Variants in NEMF observed in about 807,000 individuals in gnomAD.
NEMF encodes ribosome quality control complex subunit NEMF.
In NEMF, 89 loss-of-function variants were observed where a neutral mutation model predicts 162.2. The ratio of observed to expected loss-of-function variants is 0.55; its 90% CI spans 0.46 to 0.65. NEMF has a LOEUF of 0.65. Ranked by LOEUF, NEMF falls within the 30% of genes least tolerant of loss-of-function variation. The pLI, the probability that NEMF is intolerant of heterozygous loss-of-function variation, is 0.00. For synonymous variants in NEMF, 421 were observed against 404.5 expected (o/e 1.04, Z -0.49); for missense variants, 1,133 against 1,261.9 (o/e 0.90, Z 1.55).
intron 11 of NEMF, among the ~76,000 whole-genome samples, chr14:49,830,122 A>C (rs1357914699): frequency 6.6e-6 from 1 of 152,220 alleles, no homozygotes; most frequent in Non-Finnish European, 1.5e-5. Context: ...AATATCATCA[A>C]TTAATGAGTA....
intron 16 of NEMF, chr14:49,820,459 G>A: frequency 2.2e-6 from 1 of 456,554 alleles, no homozygotes. Context: ...TTCAGATTCT[G>A]AAAGTATTGT....
In NEMF at chr14:49,784,129, TG is replaced by T. The variant is rs1890047405; in HGVS notation, c.*506del. The T allele has an allele frequency of 6.6e-6, 1 of 151,896 alleles. No individual in the cohort carries two copies. The allele number at this position is 151,896 out of a possible 1,614,324, so 9.4% of individuals were successfully genotyped here. On this transcript the variant is annotated 3_prime_UTR_variant, in exon 33 of 33. Coordinates refer to ENST00000298310, the MANE Select transcript of NEMF (RefSeq NM_004713.6). The stretch of plus-strand genomic sequence containing the variant: ...CAGATGTATATAATTAGCATTTAAC[TG>T]TCCACAAATACTTTAGGAAATCCTA...
rs1892622035 is a variant in NEMF at position 49,831,281 on chromosome 14, G to C, written c.945+18C>G. 2.1e-6 allele frequency: 3 copies of C among 1,423,436 alleles called. No individual in the cohort carries two copies. Among genetic ancestry groups the C allele is most frequent in the Non-Finnish European group, 3.0e-6 (3 of 1,011,792 alleles). 88.2% of individuals were successfully genotyped at this position (1,423,436 alleles called of 1,614,324 possible). A position where few individuals can be genotyped will look rare whatever the true frequency, so the allele number is the denominator to read the frequency against. On this transcript the variant is annotated intron_variant, in intron 11 of 32. Coordinates refer to ENST00000298310, the MANE Select transcript of NEMF (RefSeq NM_004713.6). ...CTAAAGACTAGCTGGTTTAATATGT[G>C]TTTTTAATAATACATACCTGTTGTA...
chr14:49,802,489 T>C lies in NEMF; in HGVS notation c.2059A>G (p.Thr687Ala), dbSNP rs889577949. The change falls in exon 22 of 33, where the codon ACA (threonine) becomes GCA (alanine). Residue 687 changes from threonine to alanine, a missense_variant. Thr to Ala is a moderately conservative substitution (Grantham distance 58). This residue lies in a region of NEMF where 532 missense variants were observed against 578.6 expected (regional missense o/e 0.92). Transcript: ENST00000298310. ...ATTTCTTCTGATATGAGTTCACTTG[T>C]ACAACTTGCCAGTGTCTCCATGTCT... Reference protein sequence around the residue: ...DEDMETLASCTSELISEEMEQ... With the variant: ...DEDMETLASCASELISEEMEQ... 1 of 1,613,868 alleles carries C rather than the reference T, an allele frequency of 6.2e-7. No homozygotes were observed. The highest frequency in any genetic ancestry group is 1.7e-5 in the Admixed American group (1 of 59,986).
At chr14:49,802,419 A>C (rs761287668) in intron 22 of NEMF, 34 bp downstream of exon 22, 9 of 1,604,678 alleles carry the variant, frequency 5.6e-6, no homozygotes, top group Non-Finnish European at 7.7e-6. Context: ...AACAAAAAAC[A>C]TCACAAGCTA....
chr14:49,791,939 A>G (rs959696021), intron 26 of NEMF, among the ~76,000 whole-genome samples: 5 of 152,060 alleles, frequency 3.3e-5, no homozygotes, highest in African/African-American at 1.2e-4. Flanking sequence ...GGAAAACCTG[A>G]ATAAACCTAA....
At chr14:49,787,584 CAG>C (rs1217139797) in intron 28 of NEMF, among the ~76,000 whole-genome samples, 26 of 152,206 alleles carry the variant, frequency 1.7e-4, no homozygotes, top group Non-Finnish European at 2.6e-4. Flanking sequence ...TCATTCATGA[CAG>C]AAGAGCCCTC....
At chr14:49,821,620 C>T (rs1239013329) in intron 16 of NEMF, among the ~76,000 whole-genome samples, 1 of 98,058 alleles carries the variant, frequency 1.0e-5, no homozygotes, top group African/African-American at 4.0e-5. Flanking sequence ...CCAGCTGCCC[C>T]GTCCGGGAGG....
chr14:49,842,091 G>C (rs768854761), intron 4 of NEMF, among the ~76,000 whole-genome samples: 2 of 150,376 alleles, frequency 1.3e-5, no homozygotes, highest in Non-Finnish European at 3.0e-5. Flanking sequence ...GGCAACAAGA[G>C]CGAAACTCCG....
chr14:49,846,246 C>T lies in NEMF; in HGVS notation c.251G>A (p.Ser84Asn), dbSNP rs201971042. ...FAMKCRKHLKSRRLVSAKQLG... is the reference protein window; with the variant it reads ...FAMKCRKHLKNRRLVSAKQLG... ...CTGTTTTGCACTGACTAATCTCCGA[C>T]TCTTCAAATGTTTTCGGCACTAGCA... Residue 84 changes from serine to asparagine, a missense_variant, in exon 4 of 33, where the codon AGT becomes AAT. Ser to Asn is a conservative substitution (Grantham distance 46, BLOSUM62 1). Transcript: ENST00000298310. The T allele has an allele frequency of 2.6e-4, 423 of 1,612,044 alleles. No individual in the cohort carries two copies. Among genetic ancestry groups the T allele is most frequent in the Non-Finnish European group, 3.5e-4 (413 of 1,179,600 alleles).
chr14:49,851,799 G>A lies in NEMF; in HGVS notation c.128+8C>T, dbSNP rs1243414739. The A allele has an allele frequency of 6.6e-6, 10 of 1,518,532 alleles. No homozygotes were observed. Among genetic ancestry groups the A allele is most frequent in the Non-Finnish European group, 9.1e-6 (10 of 1,104,470 alleles). 94.1% of individuals were successfully genotyped at this position (1,518,532 alleles called of 1,614,324 possible). A position where few individuals can be genotyped will look rare whatever the true frequency, so the allele number is the denominator to read the frequency against. ...CAAAGAGAAAATAAGCCTATAAAAT[G>A]TTCTTACTTTTGAAGACGAATAAGG... is the stretch of plus-strand genomic sequence containing the variant. On this transcript the variant is annotated splice_region_variant and intron_variant, in intron 2 of 32. Transcript: ENST00000298310.
Position 49,814,949 on chromosome 14 carries a change from AAG to A in NEMF, c.1578-94_1578-93del, listed in dbSNP as rs201951320. ...AACAAAACAAAACAGGAAGCTATTTAAGACAAGTTGATGGTTTAATTTTTTTA... is the reference window on the plus strand; with the variant it reads ...AACAAAACAAAACAGGAAGCTATTTAACAAGTTGATGGTTTAATTTTTTTA... On this transcript the variant is annotated intron_variant, in intron 16 of 32. Coordinates refer to ENST00000298310, the MANE Select transcript of NEMF (RefSeq NM_004713.6). The A allele has an allele frequency of 6.5e-4, 466 of 713,262 alleles. 3 individuals carry two copies. The East Asian group carries it at 0.011, about 17-fold the overall frequency. 44.2% of individuals were successfully genotyped at this position (713,262 alleles called of 1,614,324 possible). A position where few individuals can be genotyped will look rare whatever the true frequency, so the allele number is the denominator to read the frequency against.
At chr14:49,845,800 C>A (rs538973211) in intron 4 of NEMF, among the ~76,000 whole-genome samples, 1 of 152,334 alleles carries the variant, frequency 6.6e-6, no homozygotes, top group African/African-American at 2.4e-5. Context: ...ACTGAAACAT[C>A]ACTATACATA....
rs371138270 is a variant in NEMF at position 49,832,194 on chromosome 14, C to T, written c.806+13G>A. 2.1e-5 allele frequency: 34 copies of T among 1,602,698 alleles called. No individual in the cohort carries two copies. In the African/African-American group the frequency reaches 4.2e-4, roughly 20 times the overall value. On this transcript the variant is annotated intron_variant, in intron 9 of 32. Transcript: ENST00000298310. ...AACATCCAAAGCAAATTGACCCATG[C>T]CTATATGCTTACGTCAGTATGTCTT...
At chr14:49,852,429 G>A (rs562127872) in intron 1 of NEMF, among the ~76,000 whole-genome samples, 1 of 152,372 alleles carries the variant, frequency 6.6e-6, no homozygotes, top group Admixed American at 6.5e-5. Context: ...GGACAACCCA[G>A]GCCAACAATG....
intron 6 of NEMF, among the ~76,000 whole-genome samples, chr14:49,835,732 A>T (rs1384217857): frequency 6.6e-6 from 1 of 152,342 alleles, no homozygotes; most frequent in East Asian, 1.9e-4. Flanking sequence ...TTATTCACAG[A>T]TGACATGATC....
At chr14:49,820,665 C>T (rs958075233) in intron 16 of NEMF, among the ~76,000 whole-genome samples, 4 of 152,118 alleles carry the variant, frequency 2.6e-5, no homozygotes, top group Admixed American at 1.3e-4. Flanking sequence ...CCTCTCATGC[C>T]GAGCCAAAGC....
rs1377940063 is a variant in NEMF, at chr14:49,834,308, A to G, written c.661+55T>C. On this transcript the variant is annotated intron_variant, in intron 7 of 32. Transcript: ENST00000298310. ...CTCCCTTATTACTTTCCCAGAAAAA[A>G]TTTTCATAGTTTAAAAAAAATGAAA... 14 of 1,279,202 alleles carry G rather than the reference A, an allele frequency of 1.1e-5. No homozygotes were observed. In the East Asian group the frequency reaches 1.6e-4, roughly 15 times the overall value. The allele number at this position is 1,279,202 out of a possible 1,614,324, so 79.2% of individuals were successfully genotyped here.
At chr14:49,834,267 A>G (rs1289382704) in intron 7 of NEMF, 96 bp downstream of exon 7, 2 of 783,882 alleles carry the variant, frequency 2.6e-6, no homozygotes, top group South Asian at 3.2e-5. Context: ...AATGTTTTTC[A>G]TTCTAGAACC....
Sources: gnomAD v4.1 joint callset for allele counts (sites outside exome capture counted in the v4.1 genomes callset) on GRCh38, gnomAD v4.1.1 for gene constraint, gnomAD v4.1.1 regional missense constraint, MANE v1.5 for transcripts, NCBI Gene and HGNC (gene_info 2026-07-23, HGNC 2026-07-21) for gene names.